SUSD2: variants seen among roughly 807,000 people sequenced by gnomAD.
The protein encoded by SUSD2 is sushi domain containing 2, also known as sushi domain-containing protein 2.
SUSD2 carries 86 observed loss-of-function variants against 93.8 expected under a neutral mutation model. That is an observed-to-expected ratio of 0.92 (90% CI 0.77 to 1.10). The LOEUF (loss-of-function observed/expected upper bound fraction) is 1.10. Among genes scored for constraint, SUSD2 ranks in the 50% least tolerant of loss-of-function variants. The pLI is 0.00. For missense variants in SUSD2, 1,060 were observed against 1,137.0 expected (o/e 0.93, Z 0.97); for synonymous variants, 483 against 485.0 (o/e 1.00, Z 0.05).
chr22:24,184,911 C>A lies in SUSD2; in HGVS notation c.753C>A (p.Ile251=). 6.2e-7 allele frequency: 1 copy of A among 1,613,640 alleles called. No homozygotes were observed. The highest frequency in any genetic ancestry group is 1.7e-5 in the Admixed American group (1 of 59,840). ...YQRWRVGALR[I]IDSKNYAGQK... ...GATGGCGAGTGGGTGCACTTCGGAT[C>A]ATCGACAGCAAAAATTACGCAGGGC... The change falls in exon 5 of 15, where the codon ATC becomes ATA. Residue 251 remains isoleucine (I), a synonymous_variant. Coordinates refer to ENST00000358321, the MANE Select transcript of SUSD2 (RefSeq NM_019601.4).
Position 24,185,830 on chromosome 22 carries a change from C to T in SUSD2, c.1240C>T (p.Leu414Phe). ...CATGTCCCACTGGCTCTACGATGTC[C>T]TCAGCTTCTATTACTGCTGCCTCTG... ...PSMSHWLYDVLSFYYCCLWAP... is the reference protein window; with the variant it reads ...PSMSHWLYDVFSFYYCCLWAP... Residue 414 changes from leucine to phenylalanine, a missense_variant, in exon 8 of 15, where the codon CTC becomes TTC. Physicochemically the swap from Leu to Phe is conservative, Grantham distance 22. Transcript: ENST00000358321. The T allele has an allele frequency of 1.9e-6, 3 of 1,608,972 alleles. No individual in the cohort carries two copies. Among genetic ancestry groups the T allele is most frequent in the Non-Finnish European group, 2.5e-6 (3 of 1,177,932 alleles).
rs1175132821 is a variant in SUSD2, at chr22:24,186,432, C to T, written c.1642+17C>T. ...ACCTGAAAGGTGAGCAGTCCAGCCA[C>T]GCGAGGCTGCGGGCTGCCCTCACCT... is the stretch of plus-strand genomic sequence containing the variant. On this transcript the variant is annotated intron_variant, in intron 10 of 14. Transcript: ENST00000358321. 12 of 1,610,682 alleles carry T rather than the reference C, an allele frequency of 7.5e-6. No individual in the cohort carries two copies. In the East Asian group the frequency reaches 8.9e-5, roughly 12 times the overall value.
At position 24,186,408 on chromosome 22, in the gene SUSD2, C is replaced by T; in HGVS notation, c.1635C>T (p.Asp545=). 2 of 1,613,178 alleles carry T rather than the reference C, an allele frequency of 1.2e-6. No individual in the cohort carries two copies. The highest frequency in any genetic ancestry group is 2.2e-5 in the South Asian group (2 of 91,058). Residue 545 remains aspartate (D), a synonymous_variant, in exon 10 of 15, where the codon GAC becomes GAT. Coordinates refer to ENST00000358321, the MANE Select transcript of SUSD2 (RefSeq NM_019601.4). ...VLSFTEQSWM[D]LKGMFLSVAA... ...GCTTCACCGAGCAGAGCTGGATGGA[C>T]CTGAAAGGTGAGCAGTCCAGCCACG...
In SUSD2 at chr22:24,185,243, C is replaced by T. The variant is rs145501446; in HGVS notation, c.932C>T (p.Pro311Leu). 2.8e-4 allele frequency: 449 copies of T among 1,607,712 alleles called. 1 individual carries two copies. The highest frequency in any genetic ancestry group is 8.2e-4 in the Middle Eastern group (4 of 4,900). ...CTGCCCAACTTCCTGGAGGAGCTGC[C>T]GGACTGCCCCTGCACCCTGACCCAG... ...DQLPNFLEEL[P>L]DCPCTLTQAR... Residue 311 changes from proline to leucine, a missense_variant, in exon 6 of 15, where the codon CCG becomes CTG. Transcript: ENST00000358321.
Position 24,181,592 on chromosome 22 carries a change from G to A in SUSD2, c.73G>A (p.Ala25Thr), listed in dbSNP as rs2047326307. ...CCTCGGCCCGGGCCCCGGACCCACAGCAGGTATGCCTCCCTGCCCTTCTGT... is the reference window on the plus strand; with the variant it reads ...CCTCGGCCCGGGCCCCGGACCCACAACAGGTATGCCTCCCTGCCCTTCTGT... ...TALGPGPGPT[A>T]DAQESCSMRC... The change falls in exon 1 of 15, where the codon GCA (alanine) becomes ACA (threonine). Residue 25 changes from alanine (A) to threonine (T), a missense_variant. By Grantham distance (58) the Ala-to-Thr change is moderately conservative. This residue lies in a region of SUSD2 where 87 missense variants were observed against 131.6 expected (regional missense o/e 0.66). Transcript: ENST00000358321. 1 of 1,596,990 alleles carries A rather than the reference G, an allele frequency of 6.3e-7. No homozygotes were observed. The highest frequency in any genetic ancestry group is 8.5e-7 in the Non-Finnish European group (1 of 1,173,430).
rs1789929607 is a variant in SUSD2, at chr22:24,186,227, GTGGCTCCCGTTC to G, written c.1484-27_1484-16del. On this transcript the variant is annotated intron_variant, in intron 9 of 14. Transcript: ENST00000358321. ...AACCAAGGTGGGAGGCTGGAGCCAA[GTGGCTCCCGTTC>G]TGCTCCCACCACCGCAGGCACGGAG... is the stretch of plus-strand genomic sequence containing the variant. The G allele has an allele frequency of 1.2e-6, 2 of 1,611,110 alleles. No homozygotes were observed. Among genetic ancestry groups the G allele is most frequent in the African/African-American group, 2.7e-5 (2 of 74,938 alleles).
At position 24,185,715 on chromosome 22, in the gene SUSD2, C is replaced by T. The variant is rs764170167; in HGVS notation, c.1125C>T (p.Leu375=). The T allele has an allele frequency of 1.9e-5, 31 of 1,610,978 alleles. No homozygotes were observed. In the African/African-American group the frequency reaches 3.5e-4, roughly 18 times the overall value. ...QCCYTADGTQ[L]LTADSSGGST... is the part of the protein sequence containing the mutation. ...GCTACACAGCGGACGGGACGCAGCTCCTGACAGCTGACTCCAGCGGCGGCA... is the reference window on the plus strand; with the variant it reads ...GCTACACAGCGGACGGGACGCAGCTTCTGACAGCTGACTCCAGCGGCGGCA... Residue 375 remains leucine (L), a synonymous_variant, in exon 8 of 15, where the codon CTC becomes CTT. Coordinates refer to ENST00000358321, the MANE Select transcript of SUSD2 (RefSeq NM_019601.4).
In SUSD2 at chr22:24,187,792, A is replaced by C. The variant is rs1298900299; in HGVS notation, c.2113A>C (p.Thr705Pro). 6.2e-7 allele frequency: 1 copy of C among 1,613,146 alleles called. No individual in the cohort carries two copies. The highest frequency in any genetic ancestry group is 1.3e-5 in the African/African-American group (1 of 74,796). Residue 705 changes from threonine (T) to proline (P), a missense_variant, in exon 12 of 15, where the codon ACT (threonine) becomes CCT (proline). Coordinates refer to ENST00000358321, the MANE Select transcript of SUSD2 (RefSeq NM_019601.4). Reference protein sequence around the residue: ...ATGSLSTGTATRVAHQLHQRR... With the variant: ...ATGSLSTGTAPRVAHQLHQRR... ...TGGGAGCCTGAGCACGGGCACTGCC[A>C]CTCGGGTGGCCCACCAGCTGCACCA...
chr22:24,185,670 C>T lies in SUSD2; in HGVS notation c.1080C>T (p.Tyr360=), dbSNP rs150730179. The T allele has an allele frequency of 1.5e-4, 236 of 1,609,264 alleles. No individual in the cohort carries two copies. The African/African-American group carries it at 2.2e-3, about 15-fold the overall frequency. The change falls in exon 8 of 15, where the codon TAC becomes TAT. Residue 360 remains tyrosine, a synonymous_variant. Transcript: ENST00000358321. The part of the protein sequence containing the change: ...CVRSVQASLR[Y]GSGQQCCYTA... ...TCACTGGCTCCTGCAGCCTCCGGTA[C>T]GGCTCAGGTCAGCAGTGCTGCTACA...
intron 1 of SUSD2, 182 bp from the exon 2 acceptor site, chr22:24,182,870 TCATCC>T: frequency 1.7e-6 from 1 of 600,562 alleles, no homozygotes; most frequent in Non-Finnish European, 3.0e-6. Flanking sequence ...GTGCTAAGAT[TCATCC>T]CATCCCCACG....
At position 24,188,191 on chromosome 22, in the gene SUSD2, A is replaced by G; in HGVS notation, c.2342-34A>G. The G allele has an allele frequency of 6.3e-7, 1 of 1,591,450 alleles. No homozygotes were observed. Among genetic ancestry groups the G allele is most frequent in the South Asian group, 1.1e-5 (1 of 88,590 alleles). ...CACCTGTCCCCACTCACCACCCCAG[A>G]GAGCCCCCTCACTGACACTCGCTCC... On this transcript the variant is annotated intron_variant, in intron 13 of 14. Transcript: ENST00000358321. This position sits in a 1 kb window ranked among gnomAD's most constrained non-coding sequence, Gnocchi z 4.7.
intron 1 of SUSD2, among the ~76,000 whole-genome samples, chr22:24,182,417 T>A (rs1171974029): frequency 6.6e-6 from 1 of 152,106 alleles, no homozygotes; most frequent in Non-Finnish European, 1.5e-5. Flanking sequence ...GCTTGAAATG[T>A]CCCTCCTCTC....
At position 24,183,142 on chromosome 22, in the gene SUSD2, C is replaced by T. The variant is rs1398269773; in HGVS notation, c.162C>T (p.Cys54=). The part of the protein sequence containing the change: ...CHPTCSGLGT[C]CLDFRDFCLE... ...CGACGTGCTCTGGCCTTGGCACCTG[C>T]TGCTTGGATTTCCGGGACTTCTGCC... is the stretch of plus-strand genomic sequence containing the variant. The change falls in exon 2 of 15, where the codon TGC becomes TGT. Residue 54 remains cysteine (C), a synonymous_variant. Transcript: ENST00000358321. 1.2e-6 allele frequency: 2 copies of T among 1,614,068 alleles called. No individual in the cohort carries two copies. The highest frequency in any genetic ancestry group is 2.2e-5 in the South Asian group (2 of 91,082).
chr22:24,184,250 A>G lies in SUSD2; in HGVS notation c.554A>G (p.Lys185Arg). 1 of 1,613,746 alleles carries G rather than the reference A, an allele frequency of 6.2e-7. No individual in the cohort carries two copies. The change falls in exon 4 of 15, where the codon AAG becomes AGG. Residue 185 changes from lysine (K) to arginine (R), a missense_variant. Coordinates refer to ENST00000358321, the MANE Select transcript of SUSD2 (RefSeq NM_019601.4). ...AACCTCAGCCTGACCTGGCATGTCA[A>G]GTCGCTGCCCACGCAGACCATCACC... The part of the protein sequence containing the change: ...SGNLSLTWHV[K>R]SLPTQTITIE...
rs536227178 is a variant in SUSD2, at chr22:24,187,150, G to A, written c.1643-52G>A. Reference sequence around the variant, plus strand: ...ACCACCCTGTCCTGGGGCTGCGGGAGGGGACAAGATGCTCACAGCGGGTGA... The same window carrying A: ...ACCACCCTGTCCTGGGGCTGCGGGAAGGGACAAGATGCTCACAGCGGGTGA... On this transcript the variant is annotated intron_variant, in intron 10 of 14. Transcript: ENST00000358321. 9.7e-4 allele frequency: 1,532 copies of A among 1,579,700 alleles called. 2 individuals carry two copies. The highest frequency in any genetic ancestry group is 1.2e-3 in the Non-Finnish European group (1,438 of 1,165,126).
In SUSD2 at chr22:24,187,775, T is replaced by C. The variant is rs766411746; in HGVS notation, c.2096T>C (p.Leu699Pro). ...TTTGATGTGGCAGCCACTGGGAGCC[T>C]GAGCACGGGCACTGCCACTCGGGTG... ...CNFDVAATGS[L>P]STGTATRVAH... The change falls in exon 12 of 15, where the codon CTG (leucine) becomes CCG (proline). Residue 699 changes from leucine (L) to proline (P), a missense_variant. This residue lies in a region of SUSD2 where 973 missense variants were observed against 1,005.3 expected (regional missense o/e 0.97). Transcript: ENST00000358321. 12 of 1,613,600 alleles carry C rather than the reference T, an allele frequency of 7.4e-6. No individual in the cohort carries two copies. The Admixed American group carries it at 2.0e-4, about 27-fold the overall frequency.
Position 24,187,326 on chromosome 22 carries a change from C to T in SUSD2, c.1767C>T (p.Leu589=). Residue 589 remains leucine (L), a synonymous_variant, in exon 11 of 15, where the codon CTC becomes CTT. Coordinates refer to ENST00000358321, the MANE Select transcript of SUSD2 (RefSeq NM_019601.4). ...SVSVLLPEKF[L]THTHGLLGTL... The stretch of plus-strand genomic sequence containing the variant: ...CCGTCCTGCTGCCTGAGAAGTTCCT[C>T]ACCCACACCCACGGCCTCCTCGGGA... 1 of 1,614,136 alleles carries T rather than the reference C, an allele frequency of 6.2e-7. No homozygotes were observed. Among genetic ancestry groups the T allele is most frequent in the African/African-American group, 1.3e-5 (1 of 75,032 alleles).
At chr22:24,182,539 C>A in intron 1 of SUSD2, 1 of 170,948 alleles carries the variant, frequency 5.8e-6, no homozygotes, top group Non-Finnish European at 1.3e-5. Context: ...GACCCTGCAC[C>A]ATTCCCTACC....
At chr22:24,184,367 G>A (rs2047347078) in intron 4 of SUSD2, 64 bp downstream of exon 4, 12 of 1,549,724 alleles carry the variant, frequency 7.7e-6, no homozygotes, top group South Asian at 1.1e-5. Context: ...GAGAAAGGGG[G>A]TCCCAGCTGT....
Sources: allele counts gnomAD v4.1 joint callset (sites outside exome capture counted in the v4.1 genomes callset), GRCh38; gene constraint gnomAD v4.1.1; regional missense constraint gnomAD v4.1.1; non-coding constraint Gnocchi (gnomAD v3.1); transcripts MANE v1.5; gene names NCBI Gene and HGNC (gene_info 2026-07-23, HGNC 2026-07-21).